The following DCC variants were observed in gnomAD, a reference collection of about 807,000 sequenced individuals.
DCC encodes the protein netrin receptor DCC.
In DCC, 58 loss-of-function variants were observed where a neutral mutation model predicts 172.5. The observed-to-expected ratio is 0.34, with a 90% CI of 0.27 to 0.42. The LOEUF (loss-of-function observed/expected upper bound fraction) is 0.42. Ranked by LOEUF, DCC falls within the 10% of genes least tolerant of loss-of-function variation. The pLI is 1.00. For missense variants in DCC, 1,740 were observed against 1,791.0 expected (o/e 0.97, Z 0.51); for synonymous variants, 709 against 644.5 (o/e 1.10, Z -1.52).
intron 1 of DCC, among the ~76,000 whole-genome samples, chr18:52,369,329 A>T (rs1985014920): frequency 6.6e-6 from 1 of 151,768 alleles, no homozygotes; most frequent in South Asian, 2.1e-4. Context: ...TTATTTGCAA[A>T]TTGGTTATTT....
intron 2 of DCC, among the ~76,000 whole-genome samples, chr18:52,872,827 T>TAAG (rs2039343284): frequency 6.6e-6 from 1 of 152,196 alleles, no homozygotes; most frequent in South Asian, 2.1e-4. Context: ...TGATCACTTG[T>TAAG]AAGAGCTCAG....
At chr18:53,225,875 AGGGAAGAACGG>A (rs2056020009) in intron 12 of DCC, among the ~76,000 whole-genome samples, 1 of 152,100 alleles carries the variant, frequency 6.6e-6, no homozygotes, top group African/African-American at 2.4e-5. Context: ...ATGTTTTTCC[AGGGAAGAACGG>A]GTCAGGGGGA....
At chr18:52,677,574 G>A (rs1396969186) in intron 1 of DCC, among the ~76,000 whole-genome samples, 1 of 151,972 alleles carries the variant, frequency 6.6e-6, no homozygotes, top group Non-Finnish European at 1.5e-5. Flanking sequence ...TTCACAAACT[G>A]AACTCATCTC....
At position 53,042,150 on chromosome 18, in the gene DCC, A is replaced by G. The variant is rs373736617; in HGVS notation, c.986-21155A>G. ...GATATTGGCTGTGGGTTTGTCATAA[A>G]TAGATCTTATTATTTTGAGATATGT... is the stretch of plus-strand genomic sequence containing the variant. On this transcript the variant is annotated intron_variant, in intron 5 of 28. Transcript: ENST00000442544. Among the ~76,000 whole-genome samples the G allele has an allele frequency of 1.5e-3, 224 of 152,126 alleles. 1 individual carries two copies. The highest frequency in any genetic ancestry group is 5.1e-3 in the African/African-American group (213 of 41,538).
chr18:53,414,929 G>C (rs11659624), intron 20 of DCC, among the ~76,000 whole-genome samples: 65,678 of 152,058 alleles, frequency 0.43, 16,006 homozygotes, highest in Non-Finnish European at 0.56. Context: ...TAGAATATGT[G>C]TATATGTTAT....
intron 15 of DCC, among the ~76,000 whole-genome samples, chr18:53,343,989 C>T (rs1318127748): frequency 6.6e-6 from 1 of 151,936 alleles, no homozygotes; most frequent in Non-Finnish European, 1.5e-5. Flanking sequence ...TTTCATTTCT[C>T]ATATTGGTCT....
At chr18:53,484,984 G>A (rs1026669423) in intron 25 of DCC, among the ~76,000 whole-genome samples, 2 of 152,056 alleles carry the variant, frequency 1.3e-5, no homozygotes, top group Admixed American at 1.3e-4. Flanking sequence ...GTTCCCACAG[G>A]TGGGAGGGGG....
Position 53,063,384 on chromosome 18 carries a change from T to C in DCC, c.1065T>C (p.Ser355=). 1 of 1,613,066 alleles carries C rather than the reference T, an allele frequency of 6.2e-7. No homozygotes were observed. Among genetic ancestry groups the C allele is most frequent in the Non-Finnish European group, 8.5e-7 (1 of 1,179,132 alleles). Residue 355 remains serine, a synonymous_variant, in exon 6 of 29, where the codon TCT becomes TCC. Coordinates refer to ENST00000442544, the MANE Select transcript of DCC (RefSeq NM_005215.4). ...SMDIEFECTV[S]GKPVPTVNWM... ...ATATTGAGTTTGAATGTACAGTCTC[T>C]GGAAAGCCTGTGCCCACTGTGAATT... is the stretch of plus-strand genomic sequence containing the variant.
chr18:52,566,140 A>G (rs2144749244), intron 1 of DCC, among the ~76,000 whole-genome samples: 1 of 152,250 alleles, frequency 6.6e-6, no homozygotes, highest in African/African-American at 2.4e-5. Context: ...CAAAGATCAG[A>G]TCGTTTTAGA....
At chr18:52,537,237 A>G (rs966588902) in intron 1 of DCC, among the ~76,000 whole-genome samples, 7 of 152,222 alleles carry the variant, frequency 4.6e-5, no homozygotes, top group Non-Finnish European at 1.0e-4. Context: ...ATAAATAAAT[A>G]AATGCAGTAA....
chr18:53,394,478 T>G (rs891612271), intron 17 of DCC, among the ~76,000 whole-genome samples: 1 of 152,208 alleles, frequency 6.6e-6, no homozygotes, highest in Non-Finnish European at 1.5e-5. Flanking sequence ...ACTTTCCTGA[T>G]CAAATGGAGA....
At chr18:52,705,484 G>A (rs760895457) in intron 1 of DCC, among the ~76,000 whole-genome samples, 23 of 152,172 alleles carry the variant, frequency 1.5e-4, no homozygotes, top group African/African-American at 1.9e-4. Flanking sequence ...CAGACACAGC[G>A]GACCATTTGA....
chr18:53,032,546 T>A (rs188300909), intron 5 of DCC, among the ~76,000 whole-genome samples: 2 of 152,320 alleles, frequency 1.3e-5, no homozygotes, highest in Admixed American at 6.5e-5. Context: ...GATTTAGGCA[T>A]CTTTGGTCCT....
chr18:52,506,358 G>T lies in DCC; in HGVS notation c.91+165480G>T, dbSNP rs543118956. On this transcript the variant is annotated intron_variant, in intron 1 of 28. Coordinates refer to ENST00000442544, the MANE Select transcript of DCC (RefSeq NM_005215.4). The stretch of plus-strand genomic sequence containing the variant: ...ATTAGATTTTTTAAAACTATTTAAG[G>T]TTGACCTGTGAAAACCCATATAAAC... Among the ~76,000 whole-genome samples the T allele has an allele frequency of 1.1e-4, 16 of 152,062 alleles. No individual in the cohort carries two copies. In the East Asian group the frequency reaches 3.1e-3, roughly 29 times the overall value.
intron 1 of DCC, among the ~76,000 whole-genome samples, chr18:52,605,403 C>G (rs1216234585): frequency 6.6e-6 from 1 of 152,102 alleles, no homozygotes; most frequent in Non-Finnish European, 1.5e-5. Context: ...GAAGCTACTG[C>G]ATTCGATTTG....
intron 15 of DCC, among the ~76,000 whole-genome samples, chr18:53,374,005 A>G (rs1183799592): frequency 1.3e-5 from 2 of 152,250 alleles, no homozygotes; most frequent in Admixed American, 6.5e-5. Context: ...AATCCTTTAC[A>G]CTGAATCTGC....
At chr18:52,751,901 A>G (rs1432894997) in intron 1 of DCC, 153 bp from the exon 2 acceptor site, 3 of 667,120 alleles carry the variant, frequency 4.5e-6, no homozygotes, top group African/African-American at 3.7e-5. Context: ...TGCTTATTTA[A>G]CATAATATCC....
At chr18:52,426,650 GAATT>G (rs34428916) in intron 1 of DCC, among the ~76,000 whole-genome samples, 26,008 of 151,680 alleles carry the variant, frequency 0.17, 3,109 homozygotes, top group East Asian at 0.56. Context: ...TCTGAGAAGA[GAATT>G]AATTCTGTTT....
At chr18:52,818,881 G>A (rs1260210040) in intron 2 of DCC, among the ~76,000 whole-genome samples, 6 of 152,182 alleles carry the variant, frequency 3.9e-5, no homozygotes, top group South Asian at 2.1e-4. Context: ...GATACAAAAA[G>A]TTAGAGACTT....
Sources: allele counts gnomAD v4.1 joint callset (sites outside exome capture counted in the v4.1 genomes callset), GRCh38; gene constraint gnomAD v4.1.1; transcripts MANE v1.5; gene names NCBI Gene and HGNC (gene_info 2026-07-23, HGNC 2026-07-21).